G2E3: variants seen among roughly 807,000 people sequenced by gnomAD.
G2E3 encodes the protein G2/M phase-specific E3 ubiquitin-protein ligase.
G2E3 carries 35 observed loss-of-function variants against 92.8 expected under a neutral mutation model. The ratio of observed to expected loss-of-function variants is 0.38; its 90% CI spans 0.29 to 0.50. The LOEUF is 0.50. Ranked by LOEUF, G2E3 falls within the 20% of genes least tolerant of loss-of-function variation. G2E3 has a pLI of 0.94. For missense variants in G2E3, 554 were observed against 823.8 expected, an observed-to-expected ratio of 0.67 and a Z score of 4.01; for synonymous variants, 242 against 272.4, an observed-to-expected ratio of 0.89 and a Z score of 1.10.
intron 1 of G2E3, among the ~76,000 whole-genome samples, chr14:30,567,384 T>C (rs1045046259): frequency 3.3e-5 from 5 of 152,170 alleles, no homozygotes; most frequent in Non-Finnish European, 4.4e-5. Flanking sequence ...TCTTGTCACT[T>C]TTGTTATTTG....
chr14:30,562,632 C>G (rs532266940), intron 1 of G2E3, among the ~76,000 whole-genome samples: 49 of 152,134 alleles, frequency 3.2e-4, no homozygotes, highest in Non-Finnish European at 5.1e-4. Flanking sequence ...AGAGAAGACT[C>G]TACTCCTCCA....
intron 11 of G2E3, among the ~76,000 whole-genome samples, chr14:30,606,822 A>G (rs1445155582): frequency 1.3e-5 from 2 of 152,176 alleles, no homozygotes; most frequent in Non-Finnish European, 2.9e-5. Context: ...TTGGCACATC[A>G]AAGTTGCTAA....
In G2E3 at chr14:30,599,867, T is replaced by C. The variant is rs80176698; in HGVS notation, c.752+1268T>C. Among the ~76,000 whole-genome samples the C allele has an allele frequency of 4.6e-3, 706 of 152,286 alleles. 8 individuals are homozygous for C. Among genetic ancestry groups the C allele is most frequent in the African/African-American group, 0.016 (656 of 41,548 alleles). On this transcript the variant is annotated intron_variant, in intron 8 of 14. Coordinates refer to ENST00000206595, the MANE Select transcript of G2E3 (RefSeq NM_017769.5). ...GGACAGCACTGTTCTAGAGGGTAAT[T>C]TAACTAGATTCATCTAGCACTGTTC...
At chr14:30,588,396 T>A (rs1880832780) in intron 3 of G2E3, among the ~76,000 whole-genome samples, 1 of 152,130 alleles carries the variant, frequency 6.6e-6, no homozygotes, top group Admixed American at 6.6e-5. Context: ...TTGTTATCAC[T>A]TGTTTTTCTT....
At position 30,616,737 on chromosome 14, in the gene G2E3, G is replaced by A. The variant is rs1370599329; in HGVS notation, c.*203G>A. 1.2e-5 allele frequency: 5 copies of A among 414,960 alleles called. No homozygotes were observed. In the Admixed American group the frequency reaches 1.3e-4, roughly 11 times the overall value. 25.7% of individuals were successfully genotyped at this position (414,960 alleles called of 1,614,324 possible). A position where few individuals can be genotyped will look rare whatever the true frequency, so the allele number is the denominator to read the frequency against. On this transcript the variant is annotated 3_prime_UTR_variant, in exon 15 of 15. Transcript: ENST00000206595. ...TGTTAAAGCATACTAGTCAAAATTG[G>A]TGATAATTTCTCATTTTCTTGATAT...
chr14:30,585,239 C>T (rs1040160632), intron 2 of G2E3, among the ~76,000 whole-genome samples: 1 of 152,080 alleles, frequency 6.6e-6, no homozygotes, highest in Non-Finnish European at 1.5e-5. Flanking sequence ...TCTGAGAAGC[C>T]ATTGCCAAAT....
rs773418439 is a variant in G2E3, at chr14:30,612,317, T to C, written c.1611T>C (p.Tyr537=). 8.7e-6 allele frequency: 14 copies of C among 1,606,252 alleles called. No individual in the cohort carries two copies. Among genetic ancestry groups the C allele is most frequent in the Middle Eastern group, 1.6e-4 (1 of 6,064 alleles). The change falls in exon 13 of 15, where the codon TAT becomes TAC. Residue 537 remains tyrosine (Y), a synonymous_variant. Transcript: ENST00000206595. The part of the protein sequence containing the change: ...LRLITTLSDK[Y]MLVKDILGYH... ...TTATAACGACATTAAGTGATAAATA[T>C]ATGTTAGTAAAAGACATACTTGGCT...
intron 3 of G2E3, among the ~76,000 whole-genome samples, chr14:30,588,831 T>G (rs1880856108): frequency 6.6e-6 from 1 of 152,148 alleles, no homozygotes; most frequent in Non-Finnish European, 1.5e-5. Flanking sequence ...TAAGTCAAAT[T>G]TTTAAAAAGT....
chr14:30,586,921 G>C (rs1880742365), intron 3 of G2E3, 106 bp downstream of exon 3: 1 of 425,078 alleles, frequency 2.4e-6, no homozygotes. Flanking sequence ...AACTTCTCCA[G>C]ATCTCATTTT....
intron 1 of G2E3, among the ~76,000 whole-genome samples, chr14:30,579,954 T>C (rs1304122313): frequency 6.6e-6 from 1 of 152,214 alleles, no homozygotes; most frequent in East Asian, 1.9e-4. Context: ...GTTATTAAGA[T>C]GTTGGTCTTC....
chr14:30,610,798 G>C (rs556825961), intron 12 of G2E3, among the ~76,000 whole-genome samples: 1 of 152,276 alleles, frequency 6.6e-6, no homozygotes, highest in East Asian at 1.9e-4. Context: ...TAGGGTAAGA[G>C]TTGGCAAAAA....
At chr14:30,580,919 G>A (rs1348361946) in intron 1 of G2E3, 157 bp from the exon 2 acceptor site, 1 of 584,312 alleles carries the variant, frequency 1.7e-6, no homozygotes, top group Non-Finnish European at 3.1e-6. Context: ...CACCCCAGTT[G>A]AGAACTACTG....
chr14:30,585,585 C>CTTT (rs1166405949), intron 2 of G2E3, among the ~76,000 whole-genome samples: 1 of 144,546 alleles, frequency 6.9e-6, no homozygotes, highest in African/African-American at 2.5e-5. Flanking sequence ...TCTTCTCCCC[C>CTTT]TTTTTTTTTT....
intron 11 of G2E3, among the ~76,000 whole-genome samples, chr14:30,607,049 T>C (rs1274943180): frequency 6.6e-6 from 1 of 152,144 alleles, no homozygotes; most frequent in Admixed American, 6.5e-5. Flanking sequence ...TGTAACATTA[T>C]GTCTCATAAA....
At chr14:30,615,821 T>G (rs1424197179) in intron 14 of G2E3, among the ~76,000 whole-genome samples, 2 of 152,132 alleles carry the variant, frequency 1.3e-5, no homozygotes, top group African/African-American at 2.4e-5. Context: ...CATAGAACAG[T>G]TTTAATCCTA....
At chr14:30,568,248 C>T (rs910801807) in intron 1 of G2E3, among the ~76,000 whole-genome samples, 1 of 152,070 alleles carries the variant, frequency 6.6e-6, no homozygotes, top group Non-Finnish European at 1.5e-5. Context: ...CTTTTGATTA[C>T]TGTTTGTATG....
intron 1 of G2E3, among the ~76,000 whole-genome samples, chr14:30,580,561 A>G (rs1594477048): frequency 6.6e-6 from 1 of 152,164 alleles, no homozygotes; most frequent in Non-Finnish European, 1.5e-5. Context: ...TGATGATGTG[A>G]TTTTTCTTTT....
intron 1 of G2E3, among the ~76,000 whole-genome samples, chr14:30,571,146 A>G (rs1448444695): frequency 7.5e-5 from 11 of 147,614 alleles, no homozygotes; most frequent in South Asian, 4.2e-4. Flanking sequence ...TTGTGAGACA[A>G]GTATTCTTGT....
Position 30,586,742 on chromosome 14 carries a change from A to G in G2E3, c.62A>G (p.Asp21Gly), listed in dbSNP as rs1260894117. ...NLACVFCRKH[D>G]DCPNKYGEKK... ...GCTTGTGTTTTCTGTCGAAAACATGATGACTGTCCTAATAAATACGGAGAA... is the reference window on the plus strand; with the variant it reads ...GCTTGTGTTTTCTGTCGAAAACATGGTGACTGTCCTAATAAATACGGAGAA... Residue 21 changes from aspartate (D) to glycine (G), a missense_variant, in exon 3 of 15, where the codon GAT (aspartate) becomes GGT (glycine). Physicochemically the swap from Asp to Gly is moderately conservative, Grantham distance 94 (BLOSUM62 -1). Coordinates refer to ENST00000206595, the MANE Select transcript of G2E3 (RefSeq NM_017769.5). The G allele has an allele frequency of 7.1e-7, 1 of 1,408,136 alleles. No homozygotes were observed. The highest frequency in any genetic ancestry group is 9.7e-7 in the Non-Finnish European group (1 of 1,030,040). The allele number at this position is 1,408,136 out of a possible 1,614,324, so 87.2% of individuals were successfully genotyped here.
Sources: gnomAD v4.1 joint callset for allele counts (sites outside exome capture counted in the v4.1 genomes callset) on GRCh38, gnomAD v4.1.1 for gene constraint, MANE v1.5 for transcripts, NCBI Gene and HGNC (gene_info 2026-07-23, HGNC 2026-07-21) for gene names.